CEP128: variants seen among roughly 807,000 people sequenced by gnomAD.
CEP128 encodes centrosomal protein 128kDa.
In CEP128, 132 loss-of-function variants were observed where a neutral mutation model predicts 156.7. The ratio of observed to expected loss-of-function variants is 0.84; its 90% CI spans 0.73 to 0.97. CEP128 has a LOEUF of 0.97. CEP128 is among the 50% of genes least tolerant of loss of function. The pLI, the probability that CEP128 is intolerant of heterozygous loss-of-function variation, is 0.00. For synonymous variants in CEP128, 469 were observed against 448.9 expected (o/e 1.04, Z -0.57); for missense variants, 1,252 against 1,281.9 (o/e 0.98, Z 0.36).
chr14:80,599,623 G>A (rs1892497835), intron 19 of CEP128, among the ~76,000 whole-genome samples: 1 of 151,434 alleles, frequency 6.6e-6, no homozygotes. Context: ...TATTTCTAAA[G>A]CAAAGTATAT....
intron 17 of CEP128, among the ~76,000 whole-genome samples, chr14:80,758,992 G>A (rs1290727232): frequency 6.6e-6 from 1 of 152,160 alleles, no homozygotes; most frequent in Non-Finnish European, 1.5e-5. Flanking sequence ...CTCTAAAACT[G>A]AATGAATACT....
At chr14:80,509,853 T>C (rs1371386469) in intron 23 of CEP128, among the ~76,000 whole-genome samples, 1 of 152,176 alleles carries the variant, frequency 6.6e-6, no homozygotes, top group Admixed American at 6.5e-5. Flanking sequence ...GAATATCCAG[T>C]TTTTACAGTA....
chr14:80,806,479 C>T (rs1189233228), intron 13 of CEP128, among the ~76,000 whole-genome samples: 1 of 152,118 alleles, frequency 6.6e-6, no homozygotes, highest in Non-Finnish European at 1.5e-5. Context: ...GAAATTCTGA[C>T]CCTGGAACAC....
At chr14:80,550,102 T>C (rs1023115727) in intron 21 of CEP128, among the ~76,000 whole-genome samples, 1 of 152,196 alleles carries the variant, frequency 6.6e-6, no homozygotes, top group Non-Finnish European at 1.5e-5. Flanking sequence ...TTTTCCAGTG[T>C]TTTGTAATAT....
Position 80,724,305 on chromosome 14 carries a change from T to C in CEP128, c.2806+18770A>G, listed in dbSNP as rs570336987. Among the ~76,000 whole-genome samples the C allele has an allele frequency of 4.6e-5, 7 of 152,304 alleles. No homozygotes were observed. In the East Asian group the frequency reaches 1.2e-3, roughly 25 times the overall value. ...TCCACCCAACATTTGTGGTGTGTTA[T>C]GGAATAAAAGACACTTAAGACGTTG... On this transcript the variant is annotated intron_variant, in intron 19 of 24. Transcript: ENST00000555265.
chr14:80,603,866 A>G (rs1322991517), intron 19 of CEP128, among the ~76,000 whole-genome samples: 2 of 152,164 alleles, frequency 1.3e-5, no homozygotes, highest in Non-Finnish European at 2.9e-5. Context: ...GTGAAATTCT[A>G]TAGTAATATT....
At chr14:80,946,847 T>A (rs1225057791) in intron 2 of CEP128, among the ~76,000 whole-genome samples, 1 of 152,174 alleles carries the variant, frequency 6.6e-6, no homozygotes, top group Non-Finnish European at 1.5e-5. Context: ...TTGCAATCCC[T>A]AATGTTGGGG....
chr14:80,841,968 A>G (rs2140087500), intron 9 of CEP128, among the ~76,000 whole-genome samples: 1 of 152,176 alleles, frequency 6.6e-6, no homozygotes, highest in African/African-American at 2.4e-5. Flanking sequence ...TAAATTAAAA[A>G]AATCCAAATT....
intron 19 of CEP128, among the ~76,000 whole-genome samples, chr14:80,598,681 A>G (rs1271376522): frequency 6.6e-6 from 1 of 152,234 alleles, no homozygotes; most frequent in Non-Finnish European, 1.5e-5. Context: ...TTAAAAATTA[A>G]GAATAAATTG....
intron 8 of CEP128, among the ~76,000 whole-genome samples, chr14:80,885,528 A>G (rs1888754787): frequency 6.6e-6 from 1 of 152,188 alleles, no homozygotes; most frequent in Non-Finnish European, 1.5e-5. Flanking sequence ...AGACCTGCAG[A>G]AGAGGGGTCT....
At chr14:80,889,391 C>T (rs1405334142) in intron 8 of CEP128, among the ~76,000 whole-genome samples, 1 of 152,170 alleles carries the variant, frequency 6.6e-6, no homozygotes, top group African/African-American at 2.4e-5. Context: ...TACAAGGCTA[C>T]AGTAACCAAA....
intron 19 of CEP128, among the ~76,000 whole-genome samples, chr14:80,615,728 A>T (rs1351268348): frequency 6.6e-6 from 1 of 152,160 alleles, no homozygotes; most frequent in African/African-American, 2.4e-5. Flanking sequence ...ATGCACCTAT[A>T]ATCCAAGATA....
intron 9 of CEP128, among the ~76,000 whole-genome samples, chr14:80,850,236 T>A (rs1334334829): frequency 2.0e-5 from 3 of 152,192 alleles, no homozygotes; most frequent in Admixed American, 6.5e-5. Context: ...AAATTTAAAT[T>A]TGTAATAACA....
Position 80,836,243 on chromosome 14 carries a change from T to C in CEP128, c.1019A>G (p.Tyr340Cys), listed in dbSNP as rs1372031253. The change falls in exon 12 of 25, where the codon TAT (tyrosine) becomes TGT (cysteine). Residue 340 changes from tyrosine to cysteine, a missense_variant. By Grantham distance (194) the Tyr-to-Cys change is radical. Coordinates refer to ENST00000555265, the MANE Select transcript of CEP128 (RefSeq NM_152446.5). The part of the protein sequence containing the change: ...VSQISKQQSN[Y>C]QDEQGEDWRF... Reference sequence around the variant, plus strand: ...CCAGTCCTCCCCTTGTTCATCCTGATAGTTTGACTGTTGCTTGGAAATCTG... The same window carrying C: ...CCAGTCCTCCCCTTGTTCATCCTGACAGTTTGACTGTTGCTTGGAAATCTG... 10 of 1,614,042 alleles carry C rather than the reference T, an allele frequency of 6.2e-6. No individual in the cohort carries two copies. The highest frequency in any genetic ancestry group is 2.2e-5 in the East Asian group (1 of 44,870).
chr14:80,923,899 T>C (rs1594851949), intron 2 of CEP128, among the ~76,000 whole-genome samples: 1 of 152,278 alleles, frequency 6.6e-6, no homozygotes, highest in East Asian at 1.9e-4. Flanking sequence ...GCTGTTCTCA[T>C]GATAGTGAGT....
At chr14:80,631,493 C>T (rs1893957205) in intron 19 of CEP128, among the ~76,000 whole-genome samples, 1 of 151,930 alleles carries the variant, frequency 6.6e-6, no homozygotes, top group Non-Finnish European at 1.5e-5. Context: ...TCTTACATAC[C>T]ATTAATATGC....
chr14:80,950,568 T>C (rs894099873), intron 2 of CEP128, among the ~76,000 whole-genome samples: 56 of 152,224 alleles, frequency 3.7e-4, no homozygotes, highest in African/African-American at 1.3e-3. Flanking sequence ...TTTGAAGACA[T>C]AGCAAAAGAA....
At chr14:80,524,965 G>A (rs1168953323) in intron 23 of CEP128, among the ~76,000 whole-genome samples, 3 of 152,148 alleles carry the variant, frequency 2.0e-5, no homozygotes, top group Non-Finnish European at 4.4e-5. Flanking sequence ...GAACTCCGAT[G>A]AGATTACTTG....
At chr14:80,539,275 CAG>C (rs1339299293) in intron 21 of CEP128, among the ~76,000 whole-genome samples, 6 of 152,110 alleles carry the variant, frequency 3.9e-5, no homozygotes, top group African/African-American at 1.2e-4. Flanking sequence ...ATTTTAGACA[CAG>C]GGGTCTGTGA....
Sources: gnomAD v4.1 joint callset for allele counts (sites outside exome capture counted in the v4.1 genomes callset) on GRCh38, gnomAD v4.1.1 for gene constraint, MANE v1.5 for transcripts, NCBI Gene and HGNC (gene_info 2026-07-23, HGNC 2026-07-21) for gene names.